MICU1: variants seen among roughly 807,000 people sequenced by gnomAD.
MICU1 encodes the protein mitochondrial calcium uptake 1, also known as calcium uptake protein 1, mitochondrial.
MICU1 carries 45 observed loss-of-function variants against 56.8 expected under a neutral mutation model. The observed-to-expected ratio is 0.79, with a 90% CI of 0.62 to 1.02. MICU1 has a LOEUF of 1.02. Among genes scored for constraint, MICU1 ranks in the 50% least tolerant of loss-of-function variants. The pLI, the probability that MICU1 is intolerant of heterozygous loss-of-function variation, is 0.00. For missense variants in MICU1, 504 were observed against 587.1 expected, an observed-to-expected ratio of 0.86 and a Z score of 1.46; for synonymous variants, 186 against 195.1, an observed-to-expected ratio of 0.95 and a Z score of 0.39.
intron 8 of MICU1, among the ~76,000 whole-genome samples, chr10:72,465,503 CTTTTTTTTTTTTTTT>C (rs10586216): frequency 1.6e-4 from 9 of 57,776 alleles, no homozygotes; most frequent in South Asian, 1.1e-3. Context: ...CTGTTCAGGT[CTTTTTTTTTTTTTTT>C]TTTTTTTTTT....
chr10:72,570,404 C>G (rs16930014), intron 1 of MICU1, among the ~76,000 whole-genome samples: 8,943 of 152,112 alleles, frequency 0.059, 892 homozygotes, highest in African/African-American at 0.2. Context: ...GCTTAAAATA[C>G]TTAACCATTT....
chr10:72,484,946 C>G (rs1247136518), intron 6 of MICU1, among the ~76,000 whole-genome samples: 2 of 152,122 alleles, frequency 1.3e-5, no homozygotes, highest in East Asian at 3.8e-4. Context: ...AACCTGCTAG[C>G]TAGCTATTTG....
At chr10:72,406,512 G>A (rs1288161927) in intron 10 of MICU1, among the ~76,000 whole-genome samples, 1 of 151,500 alleles carries the variant, frequency 6.6e-6, no homozygotes, top group Non-Finnish European at 1.5e-5. Context: ...AAATGACCTA[G>A]AATATCCAAA....
intron 1 of MICU1, among the ~76,000 whole-genome samples, chr10:72,602,627 T>C (rs889221389): frequency 3.9e-5 from 6 of 152,158 alleles, no homozygotes; most frequent in South Asian, 2.1e-4. Context: ...AAGACTGAGA[T>C]TGACTCTAAG....
At chr10:72,576,719 A>C (rs1419687577) in intron 1 of MICU1, among the ~76,000 whole-genome samples, 1 of 152,218 alleles carries the variant, frequency 6.6e-6, no homozygotes, top group Non-Finnish European at 1.5e-5. Flanking sequence ...CTTACTAGGA[A>C]GAAGATGCCA....
chr10:72,604,436 G>A (rs1310989533), intron 1 of MICU1, among the ~76,000 whole-genome samples: 1 of 152,022 alleles, frequency 6.6e-6, no homozygotes, highest in Non-Finnish European at 1.5e-5. Context: ...ACCATGCCCA[G>A]CTAATTTTGT....
chr10:72,452,948 CTA>C (rs1350128050), intron 8 of MICU1, among the ~76,000 whole-genome samples: 2 of 151,910 alleles, frequency 1.3e-5, no homozygotes, highest in African/African-American at 4.8e-5. Context: ...CAGATGACCT[CTA>C]TAAAGCAGAT....
At chr10:72,433,395 T>A (rs1564865253) in intron 8 of MICU1, among the ~76,000 whole-genome samples, 4 of 150,392 alleles carry the variant, frequency 2.7e-5, no homozygotes, top group Admixed American at 2.6e-4. Context: ...TACAGGTGCA[T>A]GCCACCATGC....
intron 10 of MICU1, among the ~76,000 whole-genome samples, chr10:72,384,067 C>T (rs1862808171): frequency 6.6e-6 from 1 of 152,148 alleles, no homozygotes; most frequent in African/African-American, 2.4e-5. Context: ...GGGCACAGCT[C>T]ACCACAGCCT....
chr10:72,436,833 T>C (rs926253106), intron 8 of MICU1, among the ~76,000 whole-genome samples: 1 of 151,550 alleles, frequency 6.6e-6, no homozygotes, highest in Non-Finnish European at 1.5e-5. Flanking sequence ...ATCAAATTAA[T>C]GAAATAAAAC....
At chr10:72,472,113 T>G (rs1865969854) in intron 8 of MICU1, among the ~76,000 whole-genome samples, 1 of 152,190 alleles carries the variant, frequency 6.6e-6, no homozygotes, top group Non-Finnish European at 1.5e-5. Context: ...TAAATGCTAT[T>G]GGACATACAT....
intron 8 of MICU1, among the ~76,000 whole-genome samples, chr10:72,440,071 A>T (rs1864867524): frequency 6.6e-6 from 1 of 152,254 alleles, no homozygotes; most frequent in Admixed American, 6.5e-5. Context: ...ATGGAACAAA[A>T]AAAAGAGCCT....
chr10:72,497,539 G>A (rs1866888999), intron 6 of MICU1, among the ~76,000 whole-genome samples: 1 of 152,146 alleles, frequency 6.6e-6, no homozygotes, highest in East Asian at 1.9e-4. Flanking sequence ...TGTGGGGCTC[G>A]CAGACCAAAA....
chr10:72,549,411 C>T (rs1016342183), intron 4 of MICU1, among the ~76,000 whole-genome samples: 2 of 151,804 alleles, frequency 1.3e-5, no homozygotes, highest in African/African-American at 4.8e-5. Flanking sequence ...GGCTGGTCCT[C>T]AACTCCTGAG....
At chr10:72,532,578 T>C (rs2132408431) in intron 5 of MICU1, among the ~76,000 whole-genome samples, 1 of 152,256 alleles carries the variant, frequency 6.6e-6, no homozygotes, top group South Asian at 2.1e-4. Context: ...TAGGGTACTT[T>C]ACCATAGATA....
At position 72,441,069 on chromosome 10, in the gene MICU1, T is replaced by G. The variant is rs184499222; in HGVS notation, c.934-17698A>C. On this transcript the variant is annotated intron_variant, in intron 8 of 11. Transcript: ENST00000361114. ...TACTGGGTATATACCCAAAGGATTA[T>G]AAATCATGCTACTATAAAGACACAT... 6.6e-3 allele frequency among the ~76,000 whole-genome samples: 1,008 copies of G among 152,296 alleles called. 13 individuals are homozygous for G. Among genetic ancestry groups the G allele is most frequent in the African/African-American group, 0.023 (943 of 41,562 alleles).
At chr10:72,374,973 G>A (rs1426376675) in intron 11 of MICU1, among the ~76,000 whole-genome samples, 2 of 151,744 alleles carry the variant, frequency 1.3e-5, no homozygotes, top group Non-Finnish European at 2.9e-5. Context: ...ACTGTGCCTG[G>A]CTAATTTTTG....
At chr10:72,562,425 A>T (rs916260548) in intron 3 of MICU1, among the ~76,000 whole-genome samples, 7 of 152,052 alleles carry the variant, frequency 4.6e-5, no homozygotes, top group Non-Finnish European at 8.8e-5. Flanking sequence ...GAGTGCTGGG[A>T]TTATAGGCAT....
chr10:72,605,315 A>G (rs1841657447), intron 1 of MICU1, among the ~76,000 whole-genome samples: 1 of 152,212 alleles, frequency 6.6e-6, no homozygotes, highest in African/African-American at 2.4e-5. Context: ...AGAACTCTCA[A>G]TTCCAGGAAT....
Sources: allele counts gnomAD v4.1 joint callset (sites outside exome capture counted in the v4.1 genomes callset), GRCh38; gene constraint gnomAD v4.1.1; transcripts MANE v1.5; gene names NCBI Gene and HGNC (gene_info 2026-07-23, HGNC 2026-07-21).